The following CNTNAP5 variants were observed in gnomAD, a reference collection of about 807,000 sequenced individuals.
The protein encoded by CNTNAP5 is contactin-associated protein-like 5.
In CNTNAP5, 72 loss-of-function variants were observed where a neutral mutation model predicts 150.2. The ratio of observed to expected loss-of-function variants is 0.48; its 90% CI spans 0.40 to 0.58. The LOEUF (loss-of-function observed/expected upper bound fraction) is 0.58. Ranked by LOEUF, CNTNAP5 falls within the 20% of genes least tolerant of loss-of-function variation. The probability of loss-of-function intolerance (pLI) is 0.00; values close to 1 mark genes in which losing one functional copy is unlikely to be tolerated. For missense variants in CNTNAP5, 1,636 were observed against 1,626.2 expected (o/e 1.01, Z -0.10); for synonymous variants, 672 against 619.8 (o/e 1.08, Z -1.25).
At chr2:124,493,695 C>T (rs1694083522) in intron 7 of CNTNAP5, among the ~76,000 whole-genome samples, 1 of 151,964 alleles carries the variant, frequency 6.6e-6, no homozygotes, top group East Asian at 1.9e-4. Context: ...CACATTCCTT[C>T]CTATGTTATA....
intron 3 of CNTNAP5, among the ~76,000 whole-genome samples, chr2:124,372,913 A>G (rs1257672859): frequency 6.6e-6 from 1 of 152,176 alleles, no homozygotes; most frequent in African/African-American, 2.4e-5. Flanking sequence ...GCATGTGAGG[A>G]AGATATGCTA....
chr2:124,715,348 C>T (rs1679923159), intron 13 of CNTNAP5, among the ~76,000 whole-genome samples: 1 of 152,060 alleles, frequency 6.6e-6, no homozygotes, highest in Non-Finnish European at 1.5e-5. Context: ...TCTTGAACAC[C>T]ATATATTTAT....
At chr2:124,429,799 G>GT (rs1308024903) in intron 4 of CNTNAP5, among the ~76,000 whole-genome samples, 1 of 152,184 alleles carries the variant, frequency 6.6e-6, no homozygotes, top group African/African-American at 2.4e-5. Flanking sequence ...AACTCTCCCA[G>GT]TGTGGATGGT....
chr2:124,696,130 G>T (rs1679402428), intron 13 of CNTNAP5, among the ~76,000 whole-genome samples: 2 of 152,124 alleles, frequency 1.3e-5, no homozygotes, highest in Admixed American at 1.3e-4. Flanking sequence ...TCATGATGCT[G>T]CTGGAGGTTG....
intron 14 of CNTNAP5, among the ~76,000 whole-genome samples, chr2:124,753,810 C>A (rs997301891): frequency 1.1e-4 from 16 of 152,142 alleles, no homozygotes; most frequent in African/African-American, 3.6e-4. Flanking sequence ...CAACACATCA[C>A]GTTATACCCT....
chr2:124,728,191 C>G (rs934387135), intron 13 of CNTNAP5, among the ~76,000 whole-genome samples: 10 of 152,046 alleles, frequency 6.6e-5, no homozygotes, highest in Admixed American at 6.6e-4. Flanking sequence ...ATTTCATTTA[C>G]TAGTATTCTA....
At chr2:124,367,221 T>C (rs141366689) in intron 3 of CNTNAP5, among the ~76,000 whole-genome samples, 54 of 152,308 alleles carry the variant, frequency 3.5e-4, no homozygotes, top group African/African-American at 1.3e-3. Flanking sequence ...ATTGGACTGG[T>C]GGCAGGAGGC....
At chr2:124,369,555 G>A (rs1690465196) in intron 3 of CNTNAP5, among the ~76,000 whole-genome samples, 1 of 151,954 alleles carries the variant, frequency 6.6e-6, no homozygotes, top group Non-Finnish European at 1.5e-5. Flanking sequence ...TCAGAGATAG[G>A]GTTGAAAACC....
At position 124,150,447 on chromosome 2, in the gene CNTNAP5, A is replaced by G. The variant is rs556523042; in HGVS notation, c.83-71258A>G. On this transcript the variant is annotated intron_variant, in intron 1 of 23. Transcript: ENST00000682447. ...GGAACAGATAATTTAGAGATATTGG[A>G]TAATGGATTCTTAGTCAGTTTCAGC... 4.4e-4 allele frequency among the ~76,000 whole-genome samples: 67 copies of G among 152,338 alleles called. 1 individual carries two copies. Among genetic ancestry groups the G allele is most frequent in the African/African-American group, 1.5e-3 (64 of 41,592 alleles).
rs780737586 is a variant in CNTNAP5, at chr2:124,818,150, G to A, written c.3217+19830G>A. Among the ~76,000 whole-genome samples, 17 of 152,230 alleles carry A rather than the reference G, an allele frequency of 1.1e-4. No individual in the cohort carries two copies. The East Asian group carries it at 1.4e-3, about 12-fold the overall frequency. On this transcript the variant is annotated intron_variant, in intron 19 of 23. Transcript: ENST00000682447. ...TATGTGCACACCCACCTAACAGTGC[G>A]TTCACACCAAGACCCTCTTCAAAGA...
chr2:124,903,875 G>A (rs550142014), intron 22 of CNTNAP5, among the ~76,000 whole-genome samples: 5 of 151,990 alleles, frequency 3.3e-5, no homozygotes, highest in East Asian at 1.9e-4. Flanking sequence ...CCAACATGGC[G>A]AAACCCCATT....
chr2:124,136,927 T>A (rs1192259476), intron 1 of CNTNAP5, among the ~76,000 whole-genome samples: 1 of 152,230 alleles, frequency 6.6e-6, no homozygotes, highest in East Asian at 1.9e-4. Flanking sequence ...CTTTTTGGGA[T>A]GTCCTGTCAC....
At chr2:124,063,749 G>A (rs1479116917) in intron 1 of CNTNAP5, among the ~76,000 whole-genome samples, 5 of 152,066 alleles carry the variant, frequency 3.3e-5, no homozygotes, top group South Asian at 2.1e-4. Context: ...GATAATGAAC[G>A]TGGAGATGGA....
At chr2:124,136,809 A>G (rs930720797) in intron 1 of CNTNAP5, among the ~76,000 whole-genome samples, 4 of 152,206 alleles carry the variant, frequency 2.6e-5, no homozygotes, top group African/African-American at 9.6e-5. Flanking sequence ...CATTGCTTAG[A>G]CTGTCACCTC....
At chr2:124,513,839 C>A (rs1694647577) in intron 8 of CNTNAP5, among the ~76,000 whole-genome samples, 1 of 152,152 alleles carries the variant, frequency 6.6e-6, no homozygotes, top group African/African-American at 2.4e-5. Context: ...GGAATGCTGG[C>A]AGCCAGGTGG....
intron 1 of CNTNAP5, among the ~76,000 whole-genome samples, chr2:124,037,257 T>A (rs1681249504): frequency 6.6e-6 from 1 of 152,240 alleles, no homozygotes; most frequent in African/African-American, 2.4e-5. Flanking sequence ...CCACTATTAG[T>A]GTCTGTTCCT....
chr2:124,726,428 T>C (rs1015049525), intron 13 of CNTNAP5, among the ~76,000 whole-genome samples: 3 of 152,096 alleles, frequency 2.0e-5, no homozygotes, highest in Non-Finnish European at 4.4e-5. Flanking sequence ...CCTGTCACCA[T>C]GTAAGATGTG....
intron 13 of CNTNAP5, among the ~76,000 whole-genome samples, chr2:124,663,198 C>A (rs965853189): frequency 6.6e-6 from 1 of 152,164 alleles, no homozygotes; most frequent in African/African-American, 2.4e-5. Flanking sequence ...ACGGTTAAAT[C>A]CCGCTGCATG....
At chr2:124,655,538 TA>T (rs1678425215) in intron 13 of CNTNAP5, among the ~76,000 whole-genome samples, 1 of 23,542 alleles carries the variant, frequency 4.2e-5, no homozygotes, top group African/African-American at 2.0e-4. Context: ...ATCAAATGAT[TA>T]TATATATATA....
Sources: gnomAD v4.1 joint callset for allele counts (sites outside exome capture counted in the v4.1 genomes callset) on GRCh38, gnomAD v4.1.1 for gene constraint, MANE v1.5 for transcripts, NCBI Gene and HGNC (gene_info 2026-07-23, HGNC 2026-07-21) for gene names.